Variants in PHF14 observed in about 807,000 individuals in gnomAD.
PHF14 encodes PHD finger protein 14.
Under a neutral mutation model 117.9 loss-of-function variants are expected in PHF14, and 55 were observed. The ratio of observed to expected loss-of-function variants is 0.47; its 90% CI spans 0.38 to 0.58. The LOEUF (loss-of-function observed/expected upper bound fraction) is 0.58, where lower values mean the gene tolerates loss of function less well. PHF14 is among the 20% of genes least tolerant of loss of function. PHF14 has a pLI of 0.00. For synonymous variants in PHF14, 409 were observed against 368.6 expected (o/e 1.11, Z -1.26); for missense variants, 978 against 1,122.2 (o/e 0.87, Z 1.84).
chr7:11,107,830 A>G (rs1025373939), intron 16 of PHF14: 8 of 671,186 alleles, frequency 1.2e-5, no homozygotes, highest in Admixed American at 6.3e-5. Flanking sequence ...ATTTTGTCCT[A>G]TATTATGTGC....
At chr7:11,052,078 A>G (rs1784867209) in intron 14 of PHF14, among the ~76,000 whole-genome samples, 1 of 152,178 alleles carries the variant, frequency 6.6e-6, no homozygotes, top group African/African-American at 2.4e-5. Context: ...CGACAAGCTC[A>G]TCTTTATCTG....
chr7:11,159,503 A>C (rs533092107), intron 17 of PHF14, among the ~76,000 whole-genome samples: 2 of 152,118 alleles, frequency 1.3e-5, no homozygotes, highest in Non-Finnish European at 2.9e-5. Flanking sequence ...TATTTAATAC[A>C]TATGAAATGA....
chr7:11,162,571 C>T (rs943522669), intron 17 of PHF14, among the ~76,000 whole-genome samples: 1 of 152,114 alleles, frequency 6.6e-6, no homozygotes, highest in Non-Finnish European at 1.5e-5. Context: ...ACTTTTCACT[C>T]ACTGATCTTT....
At chr7:10,993,865 C>A (rs191652276) in intron 4 of PHF14, among the ~76,000 whole-genome samples, 1 of 152,066 alleles carries the variant, frequency 6.6e-6, no homozygotes, top group Non-Finnish European at 1.5e-5. Flanking sequence ...AAAAATTAAT[C>A]CGGCATGGTG....
chr7:11,029,432 A>G (rs983622381), intron 7 of PHF14, among the ~76,000 whole-genome samples: 3 of 152,170 alleles, frequency 2.0e-5, no homozygotes, highest in Non-Finnish European at 4.4e-5. Context: ...TCCAGAGATT[A>G]CATACAGTAT....
chr7:10,983,097 A>C lies in PHF14; in HGVS notation c.838A>C (p.Ser280Arg), dbSNP rs367827659. 2 of 1,599,316 alleles carry C rather than the reference A, an allele frequency of 1.3e-6. No homozygotes were observed. Among genetic ancestry groups the C allele is most frequent in the African/African-American group, 2.7e-5 (2 of 74,930 alleles). Residue 280 changes from serine (S) to arginine (R), a missense_variant, in exon 3 of 18, where the codon AGT becomes CGT. Transcript: ENST00000634607. ...KKKSKVLSRNSADDEELTNDS... is the reference protein window; with the variant it reads ...KKKSKVLSRNRADDEELTNDS... ...GAAGAGTAAAGTTCTTAGCAGAAAC[A>C]GTGCTGATGATGAGGAACTGACCAA...
At chr7:10,974,981 T>A in intron 2 of PHF14, 36 bp downstream of exon 2, 1 of 1,057,302 alleles carries the variant, frequency 9.5e-7, no homozygotes, top group Non-Finnish European at 1.4e-6. Context: ...TTTCCCAGCT[T>A]TCTGGAGTTA....
chr7:11,107,500 G>A (rs1787310870), intron 16 of PHF14: 1 of 870,340 alleles, frequency 1.1e-6, no homozygotes, highest in Non-Finnish European at 1.4e-6. Flanking sequence ...TCTTATAATT[G>A]GGATTCCTTT....
intron 14 of PHF14, among the ~76,000 whole-genome samples, chr7:11,060,699 A>T (rs1238453124): frequency 2.0e-5 from 3 of 152,218 alleles, no homozygotes; most frequent in Non-Finnish European, 4.4e-5. Flanking sequence ...CAGGATCTGC[A>T]TTTAAAGGCC....
intron 16 of PHF14, chr7:11,106,438 A>T: frequency 1.1e-6 from 1 of 947,552 alleles, no homozygotes; most frequent in African/African-American, 1.8e-5. Context: ...GAAACTGCTC[A>T]TGTAGGTAAT....
At chr7:11,044,518 T>C (rs1260699222) in intron 13 of PHF14, among the ~76,000 whole-genome samples, 1 of 152,160 alleles carries the variant, frequency 6.6e-6, no homozygotes, top group African/African-American at 2.4e-5. Flanking sequence ...CTTTGGCCTC[T>C]AAGATCAACT....
intron 16 of PHF14, chr7:11,063,772 T>G (rs1785322412): frequency 1.4e-6 from 1 of 726,220 alleles, no homozygotes; most frequent in African/African-American, 1.9e-5. Flanking sequence ...TTTAGTCGTT[T>G]AATAAAAAAA....
rs560353391 is a variant in PHF14 at position 11,037,699 on chromosome 7, C to G, written c.1980+608C>G. Among the ~76,000 whole-genome samples the G allele has an allele frequency of 2.0e-5, 3 of 152,150 alleles. No homozygotes were observed. The South Asian group carries it at 6.2e-4, about 32-fold the overall frequency. ...AGCAAAATGTGGTTAAAATGTTATA[C>G]CAAGTATAACTTGACATATAAAACG... is the stretch of plus-strand genomic sequence containing the variant. On this transcript the variant is annotated intron_variant, in intron 10 of 17. Coordinates refer to ENST00000634607, the MANE Select transcript of PHF14 (RefSeq NM_001007157.2).
At chr7:11,103,085 G>A (rs774362173) in intron 16 of PHF14, 3 of 971,292 alleles carry the variant, frequency 3.1e-6, no homozygotes, top group East Asian at 1.1e-4. Flanking sequence ...AACAACTATA[G>A]ACTCATATTA....
In PHF14 at chr7:10,990,756, T is replaced by C. The variant is rs571610324; in HGVS notation, c.954T>C (p.His318=). The change falls in exon 4 of 18, where the codon CAT becomes CAC. Residue 318 remains histidine (H), a synonymous_variant. Coordinates refer to ENST00000634607, the MANE Select transcript of PHF14 (RefSeq NM_001007157.2). The part of the protein sequence containing the change: ...SQNWSSQKMD[H]ILICCVCLGD... ...ACTGGAGCTCTCAAAAAATGGACCA[T>C]ATTCTGATTTGCTGTGTTTGTCTGG... 5 of 1,573,286 alleles carry C rather than the reference T, an allele frequency of 3.2e-6. No individual in the cohort carries two copies. In the Admixed American group the frequency reaches 7.3e-5, roughly 23 times the overall value.
intron 16 of PHF14, among the ~76,000 whole-genome samples, chr7:11,100,303 G>A (rs1787040753): frequency 1.3e-5 from 2 of 151,784 alleles, no homozygotes; most frequent in South Asian, 2.1e-4. Context: ...AGTCATTTTG[G>A]CCTGGGAATT....
At chr7:11,016,309 C>A (rs898584813) in intron 5 of PHF14, among the ~76,000 whole-genome samples, 6 of 151,918 alleles carry the variant, frequency 3.9e-5, no homozygotes, top group Non-Finnish European at 7.4e-5. Context: ...ATTCGAGAAG[C>A]CTTTTAGTAT....
intron 16 of PHF14, among the ~76,000 whole-genome samples, chr7:11,070,844 C>A (rs1268154055): frequency 6.6e-6 from 1 of 152,188 alleles, no homozygotes; most frequent in African/African-American, 2.4e-5. Context: ...TACTGATACA[C>A]TGCCATATCT....
At chr7:11,142,324 T>C (rs1788423323) in intron 17 of PHF14, among the ~76,000 whole-genome samples, 1 of 152,082 alleles carries the variant, frequency 6.6e-6, no homozygotes, top group Non-Finnish European at 1.5e-5. Flanking sequence ...ATAGCAATTA[T>C]TCACTGCGCC....
Sources: gnomAD v4.1 joint callset for allele counts (sites outside exome capture counted in the v4.1 genomes callset) on GRCh38, gnomAD v4.1.1 for gene constraint, MANE v1.5 for transcripts, NCBI Gene and HGNC (gene_info 2026-07-23, HGNC 2026-07-21) for gene names.